ARFGEF1: variants seen among roughly 807,000 people sequenced by gnomAD.
ARFGEF1 encodes the protein brefeldin A-inhibited guanine nucleotide-exchange protein 1.
ARFGEF1 carries 42 observed loss-of-function variants against 231.0 expected under a neutral mutation model. The ratio of observed to expected loss-of-function variants is 0.18; its 90% CI spans 0.14 to 0.24. The LOEUF is 0.24. Ranked by LOEUF, ARFGEF1 falls within the 10% of genes least tolerant of loss-of-function variation. ARFGEF1 has a pLI of 1.00. For missense variants in ARFGEF1, 1,345 were observed against 2,192.0 expected, an observed-to-expected ratio of 0.61 and a Z score of 7.72; for synonymous variants, 710 against 732.3, an observed-to-expected ratio of 0.97 and a Z score of 0.49.
chr8:67,298,591 T>C (rs1156266643), intron 4 of ARFGEF1, among the ~76,000 whole-genome samples: 3 of 152,176 alleles, frequency 2.0e-5, no homozygotes, highest in African/African-American at 7.2e-5. Flanking sequence ...GGATGCAATA[T>C]ATATATACAT....
chr8:67,342,723 A>T (rs532767084), intron 1 of ARFGEF1, among the ~76,000 whole-genome samples: 1 of 152,274 alleles, frequency 6.6e-6, no homozygotes, highest in Admixed American at 6.5e-5. Context: ...TCGCCAAACG[A>T]AAAAGTTATT....
chr8:67,182,463 G>T (rs1228391370), intron 5 of ARFGEF1, among the ~76,000 whole-genome samples: 5 of 152,162 alleles, frequency 3.3e-5, no homozygotes, highest in Non-Finnish European at 7.3e-5. Context: ...ACAATTATCT[G>T]TTGGAGTCAC....
chr8:67,284,632 G>C (rs1396938657), intron 7 of ARFGEF1, among the ~76,000 whole-genome samples: 2 of 152,116 alleles, frequency 1.3e-5, no homozygotes, highest in Non-Finnish European at 2.9e-5. Flanking sequence ...TTTCAATGTA[G>C]GAAACGGAAG....
intron 34 of ARFGEF1, among the ~76,000 whole-genome samples, chr8:67,205,838 A>C (rs1838491521): frequency 6.6e-6 from 1 of 152,068 alleles, no homozygotes; most frequent in South Asian, 2.1e-4. Flanking sequence ...AGCCTGGGCA[A>C]GAGAGAGAGA....
At chr8:67,189,771 T>A (rs1185983120) in intron 5 of ARFGEF1, among the ~76,000 whole-genome samples, 1 of 152,110 alleles carries the variant, frequency 6.6e-6, no homozygotes, top group Non-Finnish European at 1.5e-5. Flanking sequence ...TCCCCCCAAA[T>A]ATATATAGAA....
At chr8:67,295,066 C>T (rs1267304773) in intron 5 of ARFGEF1, among the ~76,000 whole-genome samples, 1 of 151,944 alleles carries the variant, frequency 6.6e-6, no homozygotes, top group Non-Finnish European at 1.5e-5. Context: ...AACTGTAGCA[C>T]ACATTACAAC....
rs1020279507 is a variant in ARFGEF1 at position 67,288,037 on chromosome 8, G to A, written c.945C>T (p.Asp315=). 33 of 1,602,512 alleles carry A rather than the reference G, an allele frequency of 2.1e-5. 1 individual carries two copies. The highest frequency in any genetic ancestry group is 4.5e-5 in the South Asian group (4 of 88,424). Residue 315 remains aspartate (D), a synonymous_variant, in exon 7 of 39, where the codon GAC becomes GAT. Transcript: ENST00000262215. ...ETLSKNEVLY[D]GENHDCEEKP... ...TTTCCTCACAATCATGGTTTTCTCC[G>A]TCATATAACACTTCATTTTTAGATA...
intron 5 of ARFGEF1, among the ~76,000 whole-genome samples, chr8:67,175,836 A>G (rs1831487136): frequency 6.6e-6 from 1 of 152,192 alleles, no homozygotes; most frequent in African/African-American, 2.4e-5. Flanking sequence ...GAGTGTGTTT[A>G]AGTTTTGATG....
chr8:67,198,152 C>G lies in ARFGEF1; in HGVS notation c.*782G>C, dbSNP rs188788654. ...TTACTGTCAGTAGGGATATTTTCTA[C>G]CTTTTTTTCCCTATTGTTGAAGTGT... On this transcript the variant is annotated 3_prime_UTR_variant, in exon 39 of 39. Transcript: ENST00000262215. 846 of 985,764 alleles carry G rather than the reference C, an allele frequency of 8.6e-4. 1 individual carries two copies. The highest frequency in any genetic ancestry group is 9.5e-4 in the Non-Finnish European group (792 of 829,914). 61.1% of individuals were successfully genotyped at this position (985,764 alleles called of 1,614,324 possible).
chr8:67,247,454 G>A (rs1032416886), intron 19 of ARFGEF1, among the ~76,000 whole-genome samples: 1 of 150,644 alleles, frequency 6.6e-6, no homozygotes, highest in East Asian at 1.9e-4. Flanking sequence ...ATTAATCAAT[G>A]TGATACACCA....
chr8:67,253,745 AT>A, intron 17 of ARFGEF1, 123 bp from the exon 18 acceptor site: 1 of 510,290 alleles, frequency 2.0e-6, no homozygotes. Context: ...ACTGGAAAGT[AT>A]TCAACAAAAT....
chr8:67,268,489 T>C (rs1209052777), intron 10 of ARFGEF1, among the ~76,000 whole-genome samples: 1 of 152,210 alleles, frequency 6.6e-6, no homozygotes. Context: ...GATACATCTG[T>C]TGGATACCTC....
At chr8:67,254,493 A>G (rs1233694284) in intron 17 of ARFGEF1, among the ~76,000 whole-genome samples, 1 of 152,180 alleles carries the variant, frequency 6.6e-6, no homozygotes, top group Non-Finnish European at 1.5e-5. Flanking sequence ...AATTTACATG[A>G]AAGTACACAG....
rs960833789 is a variant in ARFGEF1 at position 67,238,987 on chromosome 8, T to C, written c.2980-94A>G. On this transcript the variant is annotated intron_variant, in intron 20 of 38. Transcript: ENST00000262215. ...AACTCTGTTTACTTGTTCAGTAAGATTTTGTTTTTTTTTTTTTTAATTTAT... is the reference window on the plus strand; with the variant it reads ...AACTCTGTTTACTTGTTCAGTAAGACTTTGTTTTTTTTTTTTTTAATTTAT... The C allele has an allele frequency of 4.1e-5, 40 of 970,380 alleles. No homozygotes were observed. In the African/African-American group the frequency reaches 6.5e-4, roughly 16 times the overall value. The allele number at this position is 970,380 out of a possible 1,614,324, so 60.1% of individuals were successfully genotyped here.
At chr8:67,204,955 G>A (rs1354718718) in intron 34 of ARFGEF1, 136 bp from the exon 35 acceptor site, 10 of 996,670 alleles carry the variant, frequency 1.0e-5, no homozygotes, top group Non-Finnish European at 1.5e-5. Flanking sequence ...TACTGCTTTT[G>A]CACACAGGCA....
chr8:67,342,003 C>G (rs193212508), intron 1 of ARFGEF1, among the ~76,000 whole-genome samples: 1 of 152,102 alleles, frequency 6.6e-6, no homozygotes, highest in Non-Finnish European at 1.5e-5. Context: ...AAATGGTAGT[C>G]TTCCATTTAA....
downstream of ARFGEF1, chr8:67,196,050 T>C (rs184004179): frequency 7.8e-6 from 1 of 127,808 alleles, no homozygotes; most frequent in East Asian, 2.0e-4. Flanking sequence ...AAATGTCCTA[T>C]TAATTAATTA....
intron 15 of ARFGEF1, among the ~76,000 whole-genome samples, chr8:67,258,818 T>TACACACACACACACACACACACAC (rs10576509): frequency 4.8e-4 from 69 of 143,034 alleles, no homozygotes; most frequent in African/African-American, 1.7e-3. Context: ...AAGCAGATTT[T>TACACACACACACACACACACACAC]ACACACACAC....
intron 1 of ARFGEF1, among the ~76,000 whole-genome samples, chr8:67,310,479 T>C (rs1225488787): frequency 6.6e-6 from 1 of 152,192 alleles, no homozygotes; most frequent in African/African-American, 2.4e-5. Flanking sequence ...TGCCTTGGCC[T>C]CCCAAAGTGC....
Sources: allele counts gnomAD v4.1 joint callset (sites outside exome capture counted in the v4.1 genomes callset), GRCh38; gene constraint gnomAD v4.1.1; transcripts MANE v1.5; gene names NCBI Gene and HGNC (gene_info 2026-07-23, HGNC 2026-07-21).